Variants in PALM2AKAP2 observed in about 807,000 individuals in gnomAD.
PALM2AKAP2 encodes PALM2-AKAP2 fusion protein.
PALM2AKAP2 carries 37 observed loss-of-function variants against 71.5 expected under a neutral mutation model. The observed-to-expected ratio is 0.52, with a 90% CI of 0.40 to 0.68. The LOEUF is 0.68. PALM2AKAP2 is among the 30% of genes least tolerant of loss of function. The pLI, the probability that PALM2AKAP2 is intolerant of heterozygous loss-of-function variation, is 0.00. For synonymous variants in PALM2AKAP2, 468 were observed against 478.8 expected (o/e 0.98, Z 0.29); for missense variants, 1,224 against 1,191.8 (o/e 1.03, Z -0.40).
At chr9:109,939,784 GT>G (rs890097158) in intron 6 of PALM2AKAP2, among the ~76,000 whole-genome samples, 8 of 152,238 alleles carry the variant, frequency 5.3e-5, no homozygotes, top group African/African-American at 1.9e-4. Context: ...GTCATTGTGT[GT>G]GTCCATGCAC....
intron 1 of PALM2AKAP2, among the ~76,000 whole-genome samples, chr9:110,097,303 A>G (rs1308331444): frequency 6.7e-6 from 1 of 149,156 alleles, no homozygotes; most frequent in East Asian, 1.9e-4. Context: ...CCAAGGCAGA[A>G]GAATTTTTCT....
chr9:110,037,407 C>T (rs1377313851), intron 7 of PALM2AKAP2, among the ~76,000 whole-genome samples: 7 of 152,162 alleles, frequency 4.6e-5, no homozygotes, highest in Non-Finnish European at 7.3e-5. Flanking sequence ...GGTTACTCCA[C>T]GTTGGTTAGG....
intron 6 of PALM2AKAP2, among the ~76,000 whole-genome samples, chr9:109,934,451 A>T (rs568081378): frequency 3.9e-5 from 6 of 152,210 alleles, no homozygotes; most frequent in Admixed American, 6.5e-5. Context: ...CCTCACTCTA[A>T]ATCCCCTTTG....
intron 6 of PALM2AKAP2, among the ~76,000 whole-genome samples, chr9:109,993,484 G>A (rs1311358681): frequency 6.6e-6 from 1 of 152,224 alleles, no homozygotes; most frequent in East Asian, 1.9e-4. Flanking sequence ...AAACTTGTCA[G>A]TAGGACACTG....
chr9:110,151,686 T>C (rs972401025), intron 2 of PALM2AKAP2, among the ~76,000 whole-genome samples: 2 of 152,360 alleles, frequency 1.3e-5, no homozygotes, highest in African/African-American at 2.4e-5. Context: ...AGTCTAAAAT[T>C]ACTCCAGATG....
chr9:109,776,908 T>C (rs948760717), upstream of PALM2AKAP2, among the ~76,000 whole-genome samples: 26 of 152,194 alleles, frequency 1.7e-4, no homozygotes, highest in African/African-American at 5.8e-4. Flanking sequence ...AAGTACACAC[T>C]ATTGGTCATG....
chr9:109,908,446 G>A (rs2131881015), intron 3 of PALM2AKAP2, among the ~76,000 whole-genome samples: 1 of 152,318 alleles, frequency 6.6e-6, no homozygotes, highest in South Asian at 2.1e-4. Context: ...CCACTTACTG[G>A]TGGAAGGTCA....
intron 3 of PALM2AKAP2, among the ~76,000 whole-genome samples, chr9:109,904,411 TG>T (rs1312227156): frequency 6.6e-6 from 1 of 152,210 alleles, no homozygotes; most frequent in Non-Finnish European, 1.5e-5. Flanking sequence ...TTGGGTTTCA[TG>T]GGAATATAAT....
At chr9:110,049,362 G>T (rs941544269) in intron 1 of PALM2AKAP2, among the ~76,000 whole-genome samples, 13 of 152,166 alleles carry the variant, frequency 8.5e-5, no homozygotes, top group Admixed American at 7.2e-4. Flanking sequence ...CAGAGAGACT[G>T]AAGTCAGGGA....
At chr9:110,003,320 G>A (rs897208996) in intron 6 of PALM2AKAP2, among the ~76,000 whole-genome samples, 2 of 152,148 alleles carry the variant, frequency 1.3e-5, no homozygotes, top group Admixed American at 1.3e-4. Context: ...AGGTTGTTCA[G>A]TTTCCATGTT....
intron 1 of PALM2AKAP2, among the ~76,000 whole-genome samples, chr9:109,864,818 C>T (rs912757710): frequency 3.3e-5 from 5 of 152,156 alleles, no homozygotes; most frequent in African/African-American, 1.2e-4. Flanking sequence ...GATTAATGTT[C>T]CTAAAATGCC....
At chr9:110,071,580 C>T (rs1834208830) in intron 1 of PALM2AKAP2, among the ~76,000 whole-genome samples, 1 of 152,136 alleles carries the variant, frequency 6.6e-6, no homozygotes, top group African/African-American at 2.4e-5. Context: ...GATACATGTC[C>T]TCTGTAACTC....
chr9:109,777,628 A>G (rs1829366834), upstream of PALM2AKAP2, among the ~76,000 whole-genome samples: 1 of 152,130 alleles, frequency 6.6e-6, no homozygotes, highest in African/African-American at 2.4e-5. Context: ...ACCTCTTGTA[A>G]GTGCTTCCAA....
At chr9:109,772,638 G>A (rs1829286584) in intron 1 of PALM2AKAP2, among the ~76,000 whole-genome samples, 1 of 152,240 alleles carries the variant, frequency 6.6e-6, no homozygotes, top group East Asian at 1.9e-4. Context: ...CAAACCCCAT[G>A]AAGGGGAAAT....
chr9:109,645,687 T>A (rs1172779205), intron 1 of PALM2AKAP2, among the ~76,000 whole-genome samples: 2 of 152,128 alleles, frequency 1.3e-5, no homozygotes, highest in African/African-American at 2.4e-5. Flanking sequence ...CATTTATAAG[T>A]GAGAGCTAAA....
chr9:110,020,351 A>G (rs1251955784), intron 7 of PALM2AKAP2, among the ~76,000 whole-genome samples: 1 of 152,086 alleles, frequency 6.6e-6, no homozygotes, highest in African/African-American at 2.4e-5. Flanking sequence ...CCTCCCAGTC[A>G]TGCTTCCTGT....
At chr9:109,666,390 T>C (rs1369712309) in intron 1 of PALM2AKAP2, among the ~76,000 whole-genome samples, 1 of 152,222 alleles carries the variant, frequency 6.6e-6, no homozygotes, top group African/African-American at 2.4e-5. Context: ...TGAATCTCAA[T>C]TTGGAAAAAC....
At chr9:109,982,720 G>T (rs1832299218) in intron 6 of PALM2AKAP2, among the ~76,000 whole-genome samples, 1 of 152,182 alleles carries the variant, frequency 6.6e-6, no homozygotes, top group South Asian at 2.1e-4. Flanking sequence ...GAGCTCCAGG[G>T]CTCAAGAGAT....
intron 2 of PALM2AKAP2, among the ~76,000 whole-genome samples, chr9:110,144,279 C>T (rs117921724): frequency 0.018 from 2,773 of 152,350 alleles, 41 homozygotes; most frequent in South Asian, 0.063. Context: ...ACCAACTGTG[C>T]AGCTTGTAGG....
Sources: gnomAD v4.1 joint callset for allele counts (sites outside exome capture counted in the v4.1 genomes callset) on GRCh38, gnomAD v4.1.1 for gene constraint, MANE v1.5 for transcripts, NCBI Gene and HGNC (gene_info 2026-07-23, HGNC 2026-07-21) for gene names.